Variants in CTNNA3 observed in about 807,000 individuals in gnomAD.
The protein encoded by CTNNA3 is catenin alpha-3.
A neutral mutation model predicts 95.7 loss-of-function variants in CTNNA3; 76 were observed. The observed-to-expected ratio is 0.79, with a 90% CI of 0.66 to 0.96. CTNNA3 has a LOEUF of 0.96. Among genes scored for constraint, CTNNA3 ranks in the 40% least tolerant of loss-of-function variants. The pLI, the probability that CTNNA3 is intolerant of heterozygous loss-of-function variation, is 0.00. For missense variants in CTNNA3, 1,191 were observed against 1,089.8 expected (o/e 1.09, Z -1.31); for synonymous variants, 431 against 374.4 (o/e 1.15, Z -1.74).
chr10:65,974,218 G>A (rs553118575), intron 16 of CTNNA3, among the ~76,000 whole-genome samples: 3 of 152,228 alleles, frequency 2.0e-5, no homozygotes, highest in African/African-American at 2.4e-5. Context: ...ACTAACATTT[G>A]ACTCACTCAT....
In CTNNA3 at chr10:67,351,268, C is replaced by T. The variant is rs578251963; in HGVS notation, c.580-131398G>A. Among the ~76,000 whole-genome samples, 5 of 151,812 alleles carry T rather than the reference C, an allele frequency of 3.3e-5. No homozygotes were observed. The South Asian group carries it at 1.0e-3, about 31-fold the overall frequency. ...TTAGAGGAGGTATATTGAAATTGTTCTTTATCTTAACTGTGGTAATGGGTT... is the reference window on the plus strand; with the variant it reads ...TTAGAGGAGGTATATTGAAATTGTTTTTTATCTTAACTGTGGTAATGGGTT... On this transcript the variant is annotated intron_variant, in intron 5 of 17. Transcript: ENST00000433211.
At chr10:67,533,560 C>T (rs1840401736) in intron 4 of CTNNA3, among the ~76,000 whole-genome samples, 1 of 152,118 alleles carries the variant, frequency 6.6e-6, no homozygotes, top group African/African-American at 2.4e-5. Context: ...TCCCCTATTA[C>T]CTTTCATTTG....
intron 7 of CTNNA3, among the ~76,000 whole-genome samples, chr10:66,838,168 T>G (rs2132339395): frequency 6.6e-6 from 1 of 152,122 alleles, no homozygotes; most frequent in East Asian, 1.9e-4. Context: ...TTTAATAGAA[T>G]AGGAAGCAGG....
At chr10:67,750,039 G>A (rs992001243) in intron 1 of CTNNA3, among the ~76,000 whole-genome samples, 1 of 152,154 alleles carries the variant, frequency 6.6e-6, no homozygotes, top group Admixed American at 6.5e-5. Context: ...CACTCGCCGT[G>A]AAGGTCCGCG....
intron 3 of CTNNA3, among the ~76,000 whole-genome samples, chr10:67,559,918 G>A (rs922751380): frequency 5.9e-5 from 9 of 152,262 alleles, no homozygotes; most frequent in South Asian, 2.1e-4. Context: ...GAAATGAAGC[G>A]AGAAGGGAAG....
At chr10:67,046,681 C>T (rs1234215162) in intron 7 of CTNNA3, among the ~76,000 whole-genome samples, 2 of 152,154 alleles carry the variant, frequency 1.3e-5, no homozygotes, top group Non-Finnish European at 2.9e-5. Flanking sequence ...GGATACTATA[C>T]ATTGGCACAG....
intron 3 of CTNNA3, among the ~76,000 whole-genome samples, chr10:67,552,503 T>C (rs890092743): frequency 4.0e-5 from 6 of 151,878 alleles, no homozygotes; most frequent in African/African-American, 1.5e-4. Context: ...CACTTGTGTG[T>C]CTGCCTGCTA....
At chr10:66,151,079 T>C (rs1480608963) in intron 13 of CTNNA3, among the ~76,000 whole-genome samples, 2 of 152,030 alleles carry the variant, frequency 1.3e-5, no homozygotes, top group African/African-American at 2.4e-5. Context: ...CTTGAGCAAA[T>C]ATGTTTTATT....
chr10:67,337,178 A>C (rs1842026250), intron 5 of CTNNA3, among the ~76,000 whole-genome samples: 1 of 152,206 alleles, frequency 6.6e-6, no homozygotes, highest in Non-Finnish European at 1.5e-5. Flanking sequence ...GATGCCATTA[A>C]GAGCATTCAC....
intron 11 of CTNNA3, among the ~76,000 whole-genome samples, chr10:66,380,727 T>C (rs1044043507): frequency 2.6e-5 from 4 of 151,606 alleles, no homozygotes; most frequent in African/African-American, 7.3e-5. Context: ...TATTTCATAA[T>C]GATATGTTCC....
chr10:67,054,166 T>C (rs1396373691), intron 7 of CTNNA3, among the ~76,000 whole-genome samples: 1 of 151,020 alleles, frequency 6.6e-6, no homozygotes, highest in African/African-American at 2.4e-5. Flanking sequence ...AGGAGGTACT[T>C]CAAGATCAGT....
chr10:67,348,512 C>G (rs2620936), intron 5 of CTNNA3, among the ~76,000 whole-genome samples: 1 of 152,000 alleles, frequency 6.6e-6, no homozygotes, highest in Non-Finnish European at 1.5e-5. Context: ...GTGGCACCAG[C>G]ATCTGCTCCC....
At chr10:66,800,064 A>G (rs2132230639) in intron 7 of CTNNA3, among the ~76,000 whole-genome samples, 1 of 151,502 alleles carries the variant, frequency 6.6e-6, no homozygotes, top group Non-Finnish European at 1.5e-5. Flanking sequence ...AAAATACTAA[A>G]GAAAGGTCTT....
intron 15 of CTNNA3, among the ~76,000 whole-genome samples, chr10:66,006,827 A>G (rs1016230506): frequency 6.6e-6 from 1 of 152,238 alleles, no homozygotes; most frequent in Non-Finnish European, 1.5e-5. Context: ...TATTCTGGTC[A>G]TGGCATAATA....
At chr10:67,459,850 C>G (rs1320409649) in intron 5 of CTNNA3, among the ~76,000 whole-genome samples, 3 of 151,788 alleles carry the variant, frequency 2.0e-5, no homozygotes, top group Admixed American at 2.0e-4. Flanking sequence ...ATCTACATTA[C>G]AGCCAAGCAT....
intron 11 of CTNNA3, among the ~76,000 whole-genome samples, chr10:66,508,817 C>T (rs1049004721): frequency 5.3e-5 from 8 of 152,010 alleles, no homozygotes; most frequent in Admixed American, 1.3e-4. Context: ...TCCATATCTT[C>T]GCTCTTATGA....
intron 14 of CTNNA3, among the ~76,000 whole-genome samples, chr10:66,087,758 T>C (rs967904008): frequency 1.3e-5 from 2 of 152,108 alleles, no homozygotes; most frequent in Non-Finnish European, 2.9e-5. Flanking sequence ...TAAAATCTAT[T>C]CTGCAATTCT....
chr10:67,178,456 C>T (rs7918469), intron 7 of CTNNA3, among the ~76,000 whole-genome samples: 55,514 of 151,700 alleles, frequency 0.37, 14,550 homozygotes, highest in African/African-American at 0.75. Context: ...AAATAGCAAA[C>T]AAAAATAACC....
At position 67,278,834 on chromosome 10, in the gene CTNNA3, T is replaced by C. The variant is rs1053308441; in HGVS notation, c.580-58964A>G. Among the ~76,000 whole-genome samples, 3 of 152,126 alleles carry C rather than the reference T, an allele frequency of 2.0e-5. No homozygotes were observed. In the South Asian group the frequency reaches 6.2e-4, roughly 31 times the overall value. Reference sequence around the variant, plus strand: ...TTTGATTTTTTCCCTTCTTATCCTATAGTCAGATTGGAAAGTAAGCCACGA... The same window carrying C: ...TTTGATTTTTTCCCTTCTTATCCTACAGTCAGATTGGAAAGTAAGCCACGA... On this transcript the variant is annotated intron_variant, in intron 5 of 17. Transcript: ENST00000433211.
Sources: gnomAD v4.1 joint callset for allele counts (sites outside exome capture counted in the v4.1 genomes callset) on GRCh38, gnomAD v4.1.1 for gene constraint, MANE v1.5 for transcripts, NCBI Gene and HGNC (gene_info 2026-07-23, HGNC 2026-07-21) for gene names.